The following PHYKPL variants were observed in gnomAD, a reference collection of about 807,000 sequenced individuals.
PHYKPL encodes 5-phosphonooxy-L-lysine phospho-lyase.
In PHYKPL, 42 loss-of-function variants were observed where a neutral mutation model predicts 51.3. The ratio of observed to expected loss-of-function variants is 0.82; its 90% CI spans 0.64 to 1.06. The LOEUF (loss-of-function observed/expected upper bound fraction) is 1.06, where lower values mean the gene tolerates loss of function less well. Among genes scored for constraint, PHYKPL ranks in the 50% least tolerant of loss-of-function variants. The pLI is 0.00. For synonymous variants in PHYKPL, 264 were observed against 236.0 expected (o/e 1.12, Z -1.09); for missense variants, 655 against 586.6 (o/e 1.12, Z -1.20).
chr5:178,229,871 G>C, intron 3 of PHYKPL, 69 bp downstream of exon 3: 1 of 1,574,992 alleles, frequency 6.3e-7, no homozygotes, highest in Admixed American at 1.7e-5. Flanking sequence ...CACTACACTG[G>C]GCCCATGTGA....
intron 4 of PHYKPL, 90 bp from the exon 5 acceptor site, chr5:178,224,819 C>T: frequency 9.5e-7 from 1 of 1,056,134 alleles, no homozygotes; most frequent in Non-Finnish European, 1.4e-6. Context: ...CCTGAAGACA[C>T]ACAAGGGAGG....
rs533817666 is a variant in PHYKPL at position 178,219,177 on chromosome 5, C to T, written c.927+3178G>A. ...ATCTTAAACAATATATGAAAAACAC[C>T]GTCTATAAAACAAAATGATAAGAGT... is the stretch of plus-strand genomic sequence containing the variant. On this transcript the variant is annotated intron_variant, in intron 8 of 12. Transcript: ENST00000308158. 5.9e-5 allele frequency among the ~76,000 whole-genome samples: 9 copies of T among 151,920 alleles called. No homozygotes were observed. In the South Asian group the frequency reaches 1.7e-3, roughly 28 times the overall value.
intron 6 of PHYKPL, chr5:178,223,355 C>T (rs938580423): frequency 2.2e-6 from 1 of 457,308 alleles, no homozygotes; most frequent in African/African-American, 2.0e-5. Flanking sequence ...CTTCCTTGGA[C>T]TCCTGCAGAG....
Position 178,214,807 on chromosome 5 carries a change from G to C in PHYKPL, c.1161C>G (p.Tyr387Ter), listed in dbSNP as rs772972249. The change falls in exon 10 of 13, where the codon TAC becomes TAG. Residue 387 changes from tyrosine to a stop codon, truncating the protein, a stop_gained. Transcript: ENST00000308158. LOFTEE classifies it high-confidence loss of function. ...CAAGAAGAAAATACCTTGATACCAA[G>C]TAGGCAGCCTCTTCAGTTGCTGGTG... ...TRTPATEEAAYLVSRLKENYV... is the reference protein window; with the variant it reads ...TRTPATEEAA The C allele has an allele frequency of 6.2e-7, 1 of 1,613,902 alleles. No individual in the cohort carries two copies. Among genetic ancestry groups the C allele is most frequent in the Non-Finnish European group, 8.5e-7 (1 of 1,180,028 alleles).
chr5:178,218,715 CA>C (rs1760475179), intron 8 of PHYKPL, among the ~76,000 whole-genome samples: 1 of 152,208 alleles, frequency 6.6e-6, no homozygotes, highest in Non-Finnish European at 1.5e-5. Context: ...CTCACTAAAA[CA>C]TAACTTTTAA....
Position 178,227,105 on chromosome 5 carries a change from G to A in PHYKPL, c.339-1676C>T, listed in dbSNP as rs547583425. ...TTTATGTGTTGAACCCCTAATCCCCGGTAGCTCGCAATGGCCCGTATGTGA... is the reference window on the plus strand; with the variant it reads ...TTTATGTGTTGAACCCCTAATCCCCAGTAGCTCGCAATGGCCCGTATGTGA... On this transcript the variant is annotated intron_variant, in intron 3 of 12. Coordinates refer to ENST00000308158, the MANE Select transcript of PHYKPL (RefSeq NM_153373.4). Among the ~76,000 whole-genome samples the A allele has an allele frequency of 1.2e-4, 18 of 151,350 alleles. No individual in the cohort carries two copies. The East Asian group carries it at 2.0e-3, about 16-fold the overall frequency.
intron 12 of PHYKPL, 182 bp downstream of exon 12, chr5:178,211,708 G>A (rs1429495770): frequency 5.1e-6 from 3 of 590,410 alleles, no homozygotes; most frequent in Admixed American, 3.0e-5. Context: ...AGCTGTTCCT[G>A]CCATCAAGTG....
chr5:178,215,197 A>G, intron 9 of PHYKPL, 79 bp downstream of exon 9: 1 of 1,595,964 alleles, frequency 6.3e-7, no homozygotes, highest in Non-Finnish European at 8.6e-7. Context: ...CCACCATCCC[A>G]GGTTGTTAGG....
intron 8 of PHYKPL, 133 bp from the exon 9 acceptor site, chr5:178,215,563 G>A: frequency 1.8e-6 from 2 of 1,105,820 alleles, no homozygotes; most frequent in East Asian, 2.6e-5. Flanking sequence ...ACCCCTTAGG[G>A]CGCACAGTCC....
At chr5:178,223,696 T>G (rs1313189454) in intron 6 of PHYKPL, 1 of 349,064 alleles carries the variant, frequency 2.9e-6, no homozygotes, top group African/African-American at 2.2e-5. Context: ...TGCCTTTCTT[T>G]GTCGTACCTC....
At chr5:178,231,805 T>C (rs1428839160) in intron 1 of PHYKPL, 2 of 1,395,766 alleles carry the variant, frequency 1.4e-6, no homozygotes, top group South Asian at 1.2e-5. Context: ...TCCGCGTCAG[T>C]CTCCCGGATC....
intron 8 of PHYKPL, 131 bp downstream of exon 8, chr5:178,222,221 CCTT>C (rs1005500356): frequency 3.3e-5 from 25 of 746,610 alleles, no homozygotes; most frequent in Admixed American, 3.3e-4. Context: ...GCTATAATCT[CCTT>C]AAGGACAGCG....
At chr5:178,230,278 A>G in intron 2 of PHYKPL, 179 bp from the exon 3 acceptor site, 1 of 688,424 alleles carries the variant, frequency 1.5e-6, no homozygotes, top group South Asian at 2.0e-5. Flanking sequence ...AGGCAGATCC[A>G]GGAGTTCCTG....
chr5:178,229,877 T>A, intron 3 of PHYKPL, 63 bp downstream of exon 3: 7 of 1,583,488 alleles, frequency 4.4e-6, no homozygotes, highest in Middle Eastern at 1.7e-4. Flanking sequence ...ACTGGGCCCA[T>A]GTGAGTGACT....
intron 11 of PHYKPL, among the ~76,000 whole-genome samples, chr5:178,212,377 CTCTACTGTGAGAT>C (rs1758722689): frequency 6.6e-6 from 1 of 152,240 alleles, no homozygotes; most frequent in South Asian, 2.1e-4. Context: ...CAGTTGTGAT[CTCTACTGTGAGAT>C]GCAACTGTGC....
chr5:178,225,354 C>T lies in PHYKPL; in HGVS notation c.413+1G>A. The T allele has an allele frequency of 1.2e-6, 2 of 1,614,210 alleles. No homozygotes were observed. The highest frequency in any genetic ancestry group is 2.2e-5 in the South Asian group (2 of 91,074). On this transcript the variant is annotated splice_donor_variant, in intron 4 of 12. Transcript: ENST00000308158. LOFTEE classifies it high-confidence loss of function. ...ACGGTAGGGCTGTGAGTTGCACTTA[C>T]TGATCTAATACCACCACGTCCTGGT...
chr5:178,212,993 T>C lies in PHYKPL; in HGVS notation c.1283A>G (p.Lys428Arg), dbSNP rs1465719199. 1 of 1,614,094 alleles carries C rather than the reference T, an allele frequency of 6.2e-7. No homozygotes were observed. Among genetic ancestry groups the C allele is most frequent in the African/African-American group, 1.3e-5 (1 of 75,034 alleles). ...SLDNARQVVA[K>R]LDAILTDMEE... Reference sequence around the variant, plus strand: ...CTCACCAGTCAGAATGGCATCCAGCTTTGCCACCACCTGCCGTGCATTGTC... The same window carrying C: ...CTCACCAGTCAGAATGGCATCCAGCCTTGCCACCACCTGCCGTGCATTGTC... Residue 428 changes from lysine (K) to arginine (R), a missense_variant, in exon 11 of 13, where the codon AAG (lysine) becomes AGG (arginine). Lys to Arg is a conservative substitution (Grantham distance 26). Coordinates refer to ENST00000308158, the MANE Select transcript of PHYKPL (RefSeq NM_153373.4).
rs114379982 is a variant in PHYKPL, at chr5:178,209,040, C to T, written c.*32-125G>A. On this transcript the variant is annotated intron_variant, in intron 12 of 12. Transcript: ENST00000308158. Reference sequence around the variant, plus strand: ...TGGTCCCAGCCTGTCCTCTGCTCCCCTGGGCTGCAGTTGGCCCAGTTGCCT... The same window carrying T: ...TGGTCCCAGCCTGTCCTCTGCTCCCTTGGGCTGCAGTTGGCCCAGTTGCCT... 489 of 372,288 alleles carry T rather than the reference C, an allele frequency of 1.3e-3. 1 individual carries two copies. The highest frequency in any genetic ancestry group is 9.4e-3 in the African/African-American group (455 of 48,482). 23.1% of individuals were successfully genotyped at this position (372,288 alleles called of 1,614,324 possible).
intron 12 of PHYKPL, chr5:178,209,996 A>C: frequency 8.0e-7 from 1 of 1,252,046 alleles, no homozygotes; most frequent in Non-Finnish European, 1.1e-6. Flanking sequence ...GCCCTTATAC[A>C]CCAGAACAGC....
Sources: gnomAD v4.1 joint callset for allele counts (sites outside exome capture counted in the v4.1 genomes callset) on GRCh38, gnomAD v4.1.1 for gene constraint, MANE v1.5 for transcripts, NCBI Gene and HGNC (gene_info 2026-07-23, HGNC 2026-07-21) for gene names.